The following FOXN3 variants were observed in gnomAD, a reference collection of about 807,000 sequenced individuals.
The protein encoded by FOXN3 is forkhead box N3, also known as forkhead box protein N3.
In FOXN3, 7 loss-of-function variants were observed where a neutral mutation model predicts 38.4. That is an observed-to-expected ratio of 0.18 (90% confidence interval 0.10 to 0.34). The LOEUF (loss-of-function observed/expected upper bound fraction) is 0.34. Among genes scored for constraint, FOXN3 ranks in the 10% least tolerant of loss-of-function variants. The probability of loss-of-function intolerance (pLI) is 1.00; values close to 1 mark genes in which losing one functional copy is unlikely to be tolerated. For synonymous variants in FOXN3, 230 were observed against 242.2 expected, an observed-to-expected ratio of 0.95 and a Z score of 0.47; for missense variants, 456 against 613.4, an observed-to-expected ratio of 0.74 and a Z score of 2.71.
At chr14:89,180,622 C>G in intron 5 of FOXN3, 79 bp downstream of exon 5, 1 of 1,056,116 alleles carries the variant, frequency 9.5e-7, no homozygotes, top group Middle Eastern at 3.1e-4. Context: ...TCCTCTCTGT[C>G]TCCAGAAGGG....
At chr14:89,565,344 T>A (rs1895329362) in intron 1 of FOXN3, among the ~76,000 whole-genome samples, 1 of 152,160 alleles carries the variant, frequency 6.6e-6, no homozygotes. Flanking sequence ...GGGAGTAAGT[T>A]TCTGTTGCTT....
At chr14:89,509,022 C>A (rs576706773) in intron 1 of FOXN3, among the ~76,000 whole-genome samples, 1 of 152,220 alleles carries the variant, frequency 6.6e-6, no homozygotes, top group East Asian at 1.9e-4. Context: ...CTGCTATCTA[C>A]CCCCAGCCTC....
chr14:89,196,352 C>T (rs1258701187), intron 4 of FOXN3, among the ~76,000 whole-genome samples: 5 of 152,120 alleles, frequency 3.3e-5, no homozygotes, highest in South Asian at 2.1e-4. Context: ...GTGGACAGGA[C>T]GGGAAAAGCA....
intron 3 of FOXN3, among the ~76,000 whole-genome samples, chr14:89,317,334 G>T (rs1277092135): frequency 6.6e-6 from 1 of 152,164 alleles, no homozygotes; most frequent in Non-Finnish European, 1.5e-5. Flanking sequence ...CCCACTTCCT[G>T]CGATGTTTTA....
intron 2 of FOXN3, among the ~76,000 whole-genome samples, chr14:89,407,641 G>C (rs571336089): frequency 2.6e-5 from 4 of 152,094 alleles, no homozygotes; most frequent in Non-Finnish European, 4.4e-5. Flanking sequence ...GGACCAGCCA[G>C]GGCAACATGG....
chr14:89,382,342 T>C (rs1300097006), intron 2 of FOXN3, among the ~76,000 whole-genome samples: 1 of 152,066 alleles, frequency 6.6e-6, no homozygotes, highest in Non-Finnish European at 1.5e-5. Context: ...ACTCCATGCC[T>C]CTCCGTGCTC....
intron 1 of FOXN3, among the ~76,000 whole-genome samples, chr14:89,483,309 C>A (rs1279059912): frequency 6.6e-6 from 1 of 152,162 alleles, no homozygotes; most frequent in Non-Finnish European, 1.5e-5. Context: ...ATGAAAGAGG[C>A]CTGGGACCTC....
chr14:89,176,096 G>A (rs1320945330), intron 5 of FOXN3, among the ~76,000 whole-genome samples: 2 of 152,146 alleles, frequency 1.3e-5, no homozygotes, highest in East Asian at 1.9e-4. Flanking sequence ...AGGACTTGAC[G>A]CCCAGGCAAA....
Position 89,325,977 on chromosome 14 carries a change from T to C in FOXN3, c.680+24695A>G, listed in dbSNP as rs141982693. Among the ~76,000 whole-genome samples, 761 of 152,326 alleles carry C rather than the reference T, an allele frequency of 5.0e-3. 8 individuals are homozygous for C. The highest frequency in any genetic ancestry group is 0.017 in the African/African-American group (714 of 41,568). ...CATCTAAGACATTAATCATGGGGAA[T>C]TATTAGAGACAGAGGCACAGAGAAC... is the stretch of plus-strand genomic sequence containing the variant. On this transcript the variant is annotated intron_variant, in intron 3 of 5. Coordinates refer to ENST00000557258, the MANE Select transcript of FOXN3 (RefSeq NM_005197.4).
intron 3 of FOXN3, chr14:89,291,096 C>A: frequency 2.0e-6 from 1 of 509,126 alleles, no homozygotes. Flanking sequence ...ATGTTTGTAG[C>A]CCTTTAAGAC....
At chr14:89,579,285 G>A (rs1415536595) in intron 1 of FOXN3, among the ~76,000 whole-genome samples, 1 of 150,794 alleles carries the variant, frequency 6.6e-6, no homozygotes, top group Non-Finnish European at 1.5e-5. Flanking sequence ...TGAGTAGCTC[G>A]GACCACAAGC....
chr14:89,170,653 G>C (rs1887365875), intron 5 of FOXN3, among the ~76,000 whole-genome samples: 1 of 152,172 alleles, frequency 6.6e-6, no homozygotes, highest in African/African-American at 2.4e-5. Flanking sequence ...ATAATGTACA[G>C]ATAAATTCTC....
chr14:89,165,685 G>T (rs145851182), intron 5 of FOXN3, among the ~76,000 whole-genome samples: 33 of 152,302 alleles, frequency 2.2e-4, no homozygotes, highest in Non-Finnish European at 4.0e-4. Flanking sequence ...GTGAAACTTG[G>T]TAAATGTAAT....
chr14:89,394,831 C>T (rs184625755), intron 2 of FOXN3, among the ~76,000 whole-genome samples: 3 of 152,284 alleles, frequency 2.0e-5, no homozygotes, highest in East Asian at 1.9e-4. Flanking sequence ...CAGGAAAGGA[C>T]GAGGAACCTA....
chr14:89,593,717 G>C (rs1265808709), intron 1 of FOXN3, among the ~76,000 whole-genome samples: 4 of 151,996 alleles, frequency 2.6e-5, no homozygotes, highest in African/African-American at 9.7e-5. Context: ...CTCACTACAG[G>C]CTCAACCTCA....
intron 3 of FOXN3, among the ~76,000 whole-genome samples, chr14:89,319,396 T>C (rs1887836644): frequency 6.6e-6 from 1 of 152,082 alleles, no homozygotes; most frequent in Non-Finnish European, 1.5e-5. Flanking sequence ...CAGAATGCAC[T>C]TGCTTCCCCA....
At chr14:89,440,490 A>G (rs1212769332) in intron 1 of FOXN3, among the ~76,000 whole-genome samples, 4 of 152,162 alleles carry the variant, frequency 2.6e-5, no homozygotes, top group African/African-American at 9.7e-5. Flanking sequence ...TTAACTGATG[A>G]CATTCCACCA....
At chr14:89,291,393 C>A in intron 3 of FOXN3, 1 of 602,932 alleles carries the variant, frequency 1.7e-6, no homozygotes, top group Non-Finnish European at 3.3e-6. Flanking sequence ...ATGTCACCAG[C>A]AAGGATGCTA....
At chr14:89,257,554 G>A (rs1371728571) in intron 4 of FOXN3, among the ~76,000 whole-genome samples, 1 of 152,062 alleles carries the variant, frequency 6.6e-6, no homozygotes, top group African/African-American at 2.4e-5. Context: ...ATCCTCTTTG[G>A]GCTTCCCCAC....
Sources: allele counts gnomAD v4.1 joint callset (sites outside exome capture counted in the v4.1 genomes callset), GRCh38; gene constraint gnomAD v4.1.1; transcripts MANE v1.5; gene names NCBI Gene and HGNC (gene_info 2026-07-23, HGNC 2026-07-21).